The following CFAP299 variants were observed in gnomAD, a reference collection of about 807,000 sequenced individuals.
CFAP299 encodes cilia and flagella associated protein 299, also known as cilia- and flagella-associated protein 299.
In CFAP299, 21 loss-of-function variants were observed where a neutral mutation model predicts 27.0. The ratio of observed to expected loss-of-function variants is 0.78; its 90% CI spans 0.55 to 1.12. The LOEUF (loss-of-function observed/expected upper bound fraction) is 1.12. Ranked by LOEUF, CFAP299 falls within the 50% of genes most tolerant of loss-of-function variation. CFAP299 has a pLI of 0.00. For missense variants in CFAP299, 310 were observed against 276.6 expected (o/e 1.12, Z -0.86); for synonymous variants, 104 against 98.1 (o/e 1.06, Z -0.36).
At chr4:80,345,454 G>A (rs1722682884) in intron 1 of CFAP299, among the ~76,000 whole-genome samples, 1 of 132,404 alleles carries the variant, frequency 7.6e-6, no homozygotes, top group Non-Finnish European at 1.5e-5. Context: ...ACCCCGGTGT[G>A]TGATGTTCCC....
chr4:80,771,414 G>A (rs182654418), intron 3 of CFAP299, among the ~76,000 whole-genome samples: 8 of 152,208 alleles, frequency 5.3e-5, no homozygotes, highest in African/African-American at 9.6e-5. Flanking sequence ...TACAATGCTC[G>A]ATGGTAAAAT....
rs374805934 is a variant in CFAP299 at position 80,362,748 on chromosome 4, C to G, written c.112-6C>G. The G allele has an allele frequency of 1.5e-4, 242 of 1,595,636 alleles. No homozygotes were observed. The highest frequency in any genetic ancestry group is 2.0e-4 in the Non-Finnish European group (235 of 1,174,894). ...CCACTCACCTAACAACTGATTTTCT[C>G]TCTAGGATGAAACCCTGGCCCGCCA... On this transcript the variant is annotated splice_region_variant and splice_polypyrimidine_tract_variant and intron_variant, in intron 1 of 5. Coordinates refer to ENST00000358105, the MANE Select transcript of CFAP299 (RefSeq NM_152770.3).
chr4:80,782,990 GTAGAT>G (rs1350685176), intron 3 of CFAP299, among the ~76,000 whole-genome samples: 2 of 151,984 alleles, frequency 1.3e-5, no homozygotes, highest in African/African-American at 4.8e-5. Context: ...ATCAGGCAGA[GTAGAT>G]TAGTTATCTA....
At chr4:80,725,895 A>G (rs764652677) in intron 3 of CFAP299, among the ~76,000 whole-genome samples, 1 of 152,200 alleles carries the variant, frequency 6.6e-6, no homozygotes, top group Non-Finnish European at 1.5e-5. Context: ...AGGGAATGAA[A>G]GCCAGTTCTA....
In CFAP299 at chr4:80,934,331, G is replaced by T. The variant is rs879708485; in HGVS notation, c.477-10479G>T. Among the ~76,000 whole-genome samples, 54 of 152,152 alleles carry T rather than the reference G, an allele frequency of 3.5e-4. No homozygotes were observed. In the Middle Eastern group the frequency reaches 0.01, roughly 29 times the overall value. On this transcript the variant is annotated intron_variant, in intron 4 of 5. Coordinates refer to ENST00000358105, the MANE Select transcript of CFAP299 (RefSeq NM_152770.3). ...TTTAGTTTGCTATTATTTTGTTGAA[G>T]AATTTTCATCTATGTTTATCAGGGT...
At chr4:80,511,433 A>T (rs918770520) in intron 2 of CFAP299, among the ~76,000 whole-genome samples, 1 of 152,162 alleles carries the variant, frequency 6.6e-6, no homozygotes, top group African/African-American at 2.4e-5. Context: ...GAAAATCACT[A>T]CATACTTTAA....
chr4:80,588,410 T>C (rs1020793424), intron 3 of CFAP299, among the ~76,000 whole-genome samples: 2 of 151,068 alleles, frequency 1.3e-5, no homozygotes, highest in Non-Finnish European at 2.9e-5. Flanking sequence ...AAAAAAAGTA[T>C]GTCATTGTTT....
intron 2 of CFAP299, among the ~76,000 whole-genome samples, chr4:80,407,358 T>G (rs1203829099): frequency 6.6e-6 from 1 of 152,172 alleles, no homozygotes; most frequent in Non-Finnish European, 1.5e-5. Flanking sequence ...GTCCTGCTGC[T>G]GTAGAACTGG....
At chr4:80,380,098 G>C (rs1289292690) in intron 2 of CFAP299, among the ~76,000 whole-genome samples, 1 of 151,880 alleles carries the variant, frequency 6.6e-6, no homozygotes, top group African/African-American at 2.4e-5. Context: ...AGATACATAT[G>C]CTTCATGATT....
At chr4:80,825,478 T>C (rs1729932346) in intron 3 of CFAP299, among the ~76,000 whole-genome samples, 1 of 151,998 alleles carries the variant, frequency 6.6e-6, no homozygotes, top group Non-Finnish European at 1.5e-5. Context: ...AAGACAATTA[T>C]AAAATTCTTA....
chr4:80,425,285 T>C (rs1727481491), intron 2 of CFAP299, among the ~76,000 whole-genome samples: 1 of 152,194 alleles, frequency 6.6e-6, no homozygotes. Flanking sequence ...TTCTGCACTG[T>C]ATATCCAGTC....
intron 2 of CFAP299, among the ~76,000 whole-genome samples, chr4:80,392,557 C>T (rs1322771451): frequency 2.6e-5 from 4 of 151,926 alleles, no homozygotes; most frequent in African/African-American, 9.7e-5. Flanking sequence ...TGGGCTTTTC[C>T]CTGCCTTCAC....
chr4:80,838,744 G>T (rs1223696673), intron 3 of CFAP299, among the ~76,000 whole-genome samples: 1 of 151,952 alleles, frequency 6.6e-6, no homozygotes, highest in African/African-American at 2.4e-5. Flanking sequence ...TTGGCTATAT[G>T]GGCCCTTTTT....
In CFAP299 at chr4:80,694,746, G is replaced by A. The variant is rs1221988450; in HGVS notation, c.333+111563G>A. Among the ~76,000 whole-genome samples, 4 of 152,096 alleles carry A rather than the reference G, an allele frequency of 2.6e-5. No individual in the cohort carries two copies. In the South Asian group the frequency reaches 6.2e-4, roughly 24 times the overall value. On this transcript the variant is annotated intron_variant, in intron 3 of 5. Coordinates refer to ENST00000358105, the MANE Select transcript of CFAP299 (RefSeq NM_152770.3). ...TTAGAAGCATATTTTCAATTCTTAG[G>A]ATGTTTCAAATTATTTACAGAATGA...
At chr4:80,442,572 T>C (rs1728411148) in intron 2 of CFAP299, among the ~76,000 whole-genome samples, 1 of 152,100 alleles carries the variant, frequency 6.6e-6, no homozygotes. Context: ...TAGAGGGAAA[T>C]TTATAGTACT....
chr4:80,675,635 GC>G (rs1719390884), intron 3 of CFAP299, among the ~76,000 whole-genome samples: 1 of 152,196 alleles, frequency 6.6e-6, no homozygotes, highest in Admixed American at 6.5e-5. Context: ...GCTATGCCCT[GC>G]CCCCAGAGGT....
chr4:80,622,655 A>G (rs1441187399), intron 3 of CFAP299, among the ~76,000 whole-genome samples: 1 of 152,194 alleles, frequency 6.6e-6, no homozygotes, highest in Non-Finnish European at 1.5e-5. Flanking sequence ...CCATGTCTAC[A>G]TCAAATAATA....
At chr4:80,396,234 TG>T (rs1725783613) in intron 2 of CFAP299, among the ~76,000 whole-genome samples, 1 of 152,162 alleles carries the variant, frequency 6.6e-6, no homozygotes, top group Non-Finnish European at 1.5e-5. Context: ...AATGGTCCTT[TG>T]CCTCTTTTAG....
chr4:80,476,013 T>A (rs1418415919), intron 2 of CFAP299, among the ~76,000 whole-genome samples: 1 of 152,214 alleles, frequency 6.6e-6, no homozygotes, highest in Non-Finnish European at 1.5e-5. Context: ...ATCCTTTTAA[T>A]AAGTTGTGTA....
Sources: gnomAD v4.1 joint callset for allele counts (sites outside exome capture counted in the v4.1 genomes callset) on GRCh38, gnomAD v4.1.1 for gene constraint, MANE v1.5 for transcripts, NCBI Gene and HGNC (gene_info 2026-07-23, HGNC 2026-07-21) for gene names.